The following SMAD4 variants were observed in gnomAD, a reference collection of about 807,000 sequenced individuals.
SMAD4 encodes SMAD family member 4.
Under a neutral mutation model 63.2 loss-of-function variants are expected in SMAD4, and 7 were observed. The observed-to-expected ratio is 0.11, with a 90% CI of 0.06 to 0.21. The LOEUF (loss-of-function observed/expected upper bound fraction) is 0.21. SMAD4 is among the 10% of genes least tolerant of loss of function. The pLI is 1.00. For synonymous variants in SMAD4, 215 were observed against 235.4 expected, an observed-to-expected ratio of 0.91 and a Z score of 0.79; for missense variants, 312 against 693.8, an observed-to-expected ratio of 0.45 and a Z score of 6.18.
At chr18:51,065,104 C>T (rs1910112477) in intron 8 of SMAD4, among the ~76,000 whole-genome samples, 1 of 151,876 alleles carries the variant, frequency 6.6e-6, no homozygotes, top group African/African-American at 2.4e-5. Flanking sequence ...TCTCAGTTGA[C>T]CTGGTCCTTT....
At chr18:51,038,161 G>A (rs1324058711) in intron 1 of SMAD4, among the ~76,000 whole-genome samples, 1 of 151,768 alleles carries the variant, frequency 6.6e-6, no homozygotes, top group African/African-American at 2.4e-5. Context: ...GGAGGGTGAG[G>A]TGAGAAGATT....
At chr18:51,040,412 A>G (rs948420239) in intron 1 of SMAD4, among the ~76,000 whole-genome samples, 1 of 142,964 alleles carries the variant, frequency 7.0e-6, no homozygotes, top group Non-Finnish European at 1.5e-5. Context: ...CCACAGTGAA[A>G]CTCTGTCTCA....
chr18:51,061,322 A>G (rs1910006797), intron 8 of SMAD4, among the ~76,000 whole-genome samples: 1 of 152,248 alleles, frequency 6.6e-6, no homozygotes, highest in East Asian at 1.9e-4. Context: ...TACTTTTTGT[A>G]CTATTAACCA....
chr18:51,049,170 T>G (rs1189995416), intron 3 of SMAD4, 125 bp from the exon 4 acceptor site: 1 of 746,572 alleles, frequency 1.3e-6, no homozygotes, highest in Non-Finnish European at 2.3e-6. Flanking sequence ...ATGCTACTTC[T>G]GAATTGAAAT....
intron 4 of SMAD4, chr18:51,052,763 G>T: frequency 5.1e-6 from 1 of 196,142 alleles, no homozygotes; most frequent in Non-Finnish European, 1.1e-5. Context: ...TTCCTTCCAG[G>T]GTTTCTATAT....
At chr18:51,061,532 G>A (rs1050887792) in intron 8 of SMAD4, among the ~76,000 whole-genome samples, 6 of 152,030 alleles carry the variant, frequency 3.9e-5, no homozygotes, top group South Asian at 2.1e-4. Flanking sequence ...TGACTGAATC[G>A]CATTTTTTTT....
intron 4 of SMAD4, 45 bp downstream of exon 4, chr18:51,049,369 CCTCT>C (rs1909640930): frequency 1.4e-6 from 2 of 1,468,876 alleles, no homozygotes; most frequent in African/African-American, 2.8e-5. Flanking sequence ...TTTGTCCTAT[CCTCT>C]CTGTTTTTTT....
chr18:51,048,601 G>A (rs1052525088), intron 2 of SMAD4, 85 bp from the exon 3 acceptor site: 1 of 1,186,670 alleles, frequency 8.4e-7, no homozygotes, highest in African/African-American at 1.5e-5. Flanking sequence ...ATACTGAGTT[G>A]GTAGGATTGT....
intron 4 of SMAD4, 43 bp from the exon 5 acceptor site, chr18:51,054,738 A>G (rs149541014): frequency 7.2e-7 from 1 of 1,387,406 alleles, no homozygotes. Context: ...TTCTGGGAAT[A>G]GAAGCTTATA....
At chr18:51,035,129 G>T (rs1047297421) in intron 1 of SMAD4, among the ~76,000 whole-genome samples, 2 of 152,120 alleles carry the variant, frequency 1.3e-5, no homozygotes. Flanking sequence ...CATTTGCTTT[G>T]CTTCTGTGTC....
chr18:51,042,304 C>T (rs1909408699), intron 1 of SMAD4, among the ~76,000 whole-genome samples: 1 of 64,258 alleles, frequency 1.6e-5, no homozygotes, highest in African/African-American at 4.5e-5. Context: ...TCCCTCCTTC[C>T]CTCCCTCCCT....
chr18:51,081,861 C>T lies in SMAD4; in HGVS notation c.*3394C>T. The stretch of plus-strand genomic sequence containing the variant: ...ATTTTACATTTTACTATTAATGCTC[C>T]TTAAGTGTCTATGGAGGTTAAAGAA... On this transcript the variant is annotated 3_prime_UTR_variant, in exon 12 of 12. Coordinates refer to ENST00000342988, the MANE Select transcript of SMAD4 (RefSeq NM_005359.6). The T allele has an allele frequency of 4.3e-6, 1 of 232,120 alleles. No homozygotes were observed. The highest frequency in any genetic ancestry group is 8.5e-6 in the Non-Finnish European group (1 of 117,418). The allele number at this position is 232,120 out of a possible 1,614,324, so 14.4% of individuals were successfully genotyped here.
chr18:51,080,310 A>T lies in SMAD4; in HGVS notation c.*1843A>T, dbSNP rs1910579370. 1 of 231,920 alleles carries T rather than the reference A, an allele frequency of 4.3e-6. No homozygotes were observed. Among genetic ancestry groups the T allele is most frequent in the Non-Finnish European group, 8.5e-6 (1 of 117,388 alleles). 14.4% of individuals were successfully genotyped at this position (231,920 alleles called of 1,614,324 possible). On this transcript the variant is annotated 3_prime_UTR_variant, in exon 12 of 12. Coordinates refer to ENST00000342988, the MANE Select transcript of SMAD4 (RefSeq NM_005359.6). ...CTTTAAATAACTTATCTACCACCTC[A>T]TTTGTACTCTTGATTACTTACAAAT...
intron 7 of SMAD4, among the ~76,000 whole-genome samples, chr18:51,058,795 AG>A (rs1300468298): frequency 3.3e-5 from 5 of 152,074 alleles, no homozygotes; most frequent in Admixed American, 2.6e-4. Context: ...AAACCCTTTG[AG>A]TGCTAAGTTC....
At position 51,046,354 on chromosome 18, in the gene SMAD4, T is replaced by C. The variant is rs1250681424; in HGVS notation, c.-127-566T>C. Among the ~76,000 whole-genome samples the C allele has an allele frequency of 5.9e-5, 9 of 152,270 alleles. 1 individual carries two copies. The South Asian group carries it at 8.3e-4, about 14-fold the overall frequency. On this transcript the variant is annotated intron_variant, in intron 1 of 11. Transcript: ENST00000342988. ...TGATTTTCATTTCCATAATGTCTAATGTCGAGCATCTTTCATGTGCTTATT... is the reference window on the plus strand; with the variant it reads ...TGATTTTCATTTCCATAATGTCTAACGTCGAGCATCTTTCATGTGCTTATT...
chr18:51,057,940 T>G (rs962472013), intron 5 of SMAD4, among the ~76,000 whole-genome samples, 185 bp from the exon 6 acceptor site: 8 of 152,246 alleles, frequency 5.3e-5, no homozygotes, highest in Admixed American at 4.6e-4. Context: ...TTGAGCTTCC[T>G]CAAGTTAAAG....
chr18:51,051,439 G>T (rs1380886606), intron 4 of SMAD4: 3 of 453,706 alleles, frequency 6.6e-6, no homozygotes, highest in African/African-American at 2.0e-5. Context: ...AAGAAAATGG[G>T]ACAGTTCCTT....
intron 1 of SMAD4, among the ~76,000 whole-genome samples, chr18:51,041,548 G>A (rs1235292084): frequency 6.6e-6 from 1 of 152,206 alleles, no homozygotes; most frequent in African/African-American, 2.4e-5. Context: ...GTATCCAGTT[G>A]TGACCATATA....
chr18:51,067,182 A>G lies in SMAD4; in HGVS notation c.1303A>G (p.Ile435Val). Residue 435 changes from isoleucine to valine, a missense_variant, in exon 10 of 12, where the codon ATA (isoleucine) becomes GTA (valine). Physicochemically the swap from Ile to Val is conservative, Grantham distance 29. Transcript: ENST00000342988. The part of the protein sequence containing the change: ...AVHKIYPSAY[I>V]KVFDLRQCHR... ...TCATAAGATCTACCCAAGTGCATATATAAAGGTTAGTTACAATTTTATTTG... is the reference window on the plus strand; with the variant it reads ...TCATAAGATCTACCCAAGTGCATATGTAAAGGTTAGTTACAATTTTATTTG... 6.4e-7 allele frequency: 1 copy of G among 1,562,124 alleles called. No homozygotes were observed. Among genetic ancestry groups the G allele is most frequent in the Non-Finnish European group, 8.8e-7 (1 of 1,132,840 alleles).
Sources: gnomAD v4.1 joint callset for allele counts (sites outside exome capture counted in the v4.1 genomes callset) on GRCh38, gnomAD v4.1.1 for gene constraint, MANE v1.5 for transcripts, NCBI Gene and HGNC (gene_info 2026-07-23, HGNC 2026-07-21) for gene names.